ABCF1: variants seen among roughly 807,000 people sequenced by gnomAD.
ABCF1 encodes the protein ATP-binding cassette sub-family F member 1.
In ABCF1, 73 loss-of-function variants were observed where a neutral mutation model predicts 126.3. The ratio of observed to expected loss-of-function variants is 0.58; its 90% CI spans 0.48 to 0.70. The LOEUF (loss-of-function observed/expected upper bound fraction) is 0.70. ABCF1 is among the 30% of genes least tolerant of loss of function. ABCF1 has a pLI of 0.00. For synonymous variants in ABCF1, 345 were observed against 396.4 expected (o/e 0.87, Z 1.54); for missense variants, 786 against 1,057.5 (o/e 0.74, Z 3.56).
chr6:30,579,464 T>TTC (rs966317842), intron 6 of ABCF1, among the ~76,000 whole-genome samples: 5 of 149,206 alleles, frequency 3.4e-5, no homozygotes, highest in African/African-American at 9.9e-5. Context: ...TATTTTTTTT[T>TTC]TTTTTTTTTT....
At chr6:30,580,097 A>G (rs1801729518) in intron 7 of ABCF1, 92 bp downstream of exon 7, 1 of 1,330,782 alleles carries the variant, frequency 7.5e-7, no homozygotes, top group Middle Eastern at 2.1e-4. Flanking sequence ...CTGTAATCCC[A>G]GCACTTTGGG....
chr6:30,585,794 C>A, intron 16 of ABCF1, 85 bp from the exon 17 acceptor site: 1 of 1,552,466 alleles, frequency 6.4e-7, no homozygotes. Flanking sequence ...GACAGTGATG[C>A]CTACCCCATC....
At position 30,582,585 on chromosome 6, in the gene ABCF1, G is replaced by A. The variant is rs115021242; in HGVS notation, c.792+78G>A. 1.5e-3 allele frequency: 2,149 copies of A among 1,479,356 alleles called. 36 individuals are homozygous for A. The African/African-American group carries it at 0.026, about 18-fold the overall frequency. The allele number at this position is 1,479,356 out of a possible 1,614,324, so 91.6% of individuals were successfully genotyped here. A position where few individuals can be genotyped will look rare whatever the true frequency, so the allele number is the denominator to read the frequency against. ...CTAGGGGACATGCGATTGGGGACAC[G>A]AAGGAAAGGTTTGGGGGCTACTCCA... On this transcript the variant is annotated intron_variant, in intron 9 of 24. Transcript: ENST00000326195.
Position 30,589,808 on chromosome 6 carries a change from A to T in ABCF1, c.2067A>T (p.Lys689Asn). 6.2e-7 allele frequency: 1 copy of T among 1,614,122 alleles called. No homozygotes were observed. Among genetic ancestry groups the T allele is most frequent in the Non-Finnish European group, 8.5e-7 (1 of 1,180,010 alleles). ...CACCTCCCTCTCTTCTCGGGCAGAA[A>T]ATTGGCTTCTTCAACCAGCAGTATG... Reference protein sequence around the residue: ...HGEMRKNHRLKIGFFNQQYAE... With the variant: ...HGEMRKNHRLNIGFFNQQYAE... The change falls in exon 22 of 25, where the codon AAA (lysine) becomes AAT (asparagine). Residue 689 changes from lysine (K) to asparagine (N), a missense_variant and splice_region_variant. Transcript: ENST00000326195.
chr6:30,585,160 A>C (rs3130244), intron 14 of ABCF1, 100 bp from the exon 15 acceptor site: 674,409 of 1,023,706 alleles, frequency 0.66, 224,380 homozygotes, highest in South Asian at 0.8. Flanking sequence ...CTTGGGAAGG[A>C]GTGTTCATGG....
At chr6:30,576,713 G>A (rs191149189) in intron 1 of ABCF1, among the ~76,000 whole-genome samples, 69 of 152,032 alleles carry the variant, frequency 4.5e-4, no homozygotes, top group Admixed American at 1.3e-3. Context: ...TATTCCCTCC[G>A]ATTCTTGCTG....
At position 30,584,415 on chromosome 6, in the gene ABCF1, C is replaced by G; in HGVS notation, c.1243-3C>G. On this transcript the variant is annotated splice_region_variant and splice_polypyrimidine_tract_variant and intron_variant, in intron 13 of 24. Coordinates refer to ENST00000326195, the MANE Select transcript of ABCF1 (RefSeq NM_001025091.2). The surrounding 1 kb of genome is among the most constrained non-coding windows in gnomAD (Gnocchi z 4.6). ...ACGTGTGTCCTCTTCTCCCTCCTCC[C>G]AGGTGTATGAGGAATTGCGGGCCAC... 1.2e-6 allele frequency: 2 copies of G among 1,613,098 alleles called. No homozygotes were observed. Among genetic ancestry groups the G allele is most frequent in the Non-Finnish European group, 1.7e-6 (2 of 1,180,030 alleles).
chr6:30,589,738 T>C lies in ABCF1; in HGVS notation c.2064+18T>C. The C allele has an allele frequency of 6.2e-7, 1 of 1,614,030 alleles. No individual in the cohort carries two copies. Among genetic ancestry groups the C allele is most frequent in the Non-Finnish European group, 8.5e-7 (1 of 1,179,986 alleles). ...ACCGGCTGGTAAGTTGGCATTGGGA[T>C]TTAGGGAATGATAATCTGATGGAGG... On this transcript the variant is annotated intron_variant, in intron 21 of 24. Transcript: ENST00000326195.
At position 30,590,604 on chromosome 6, in the gene ABCF1, A is replaced by G; in HGVS notation, c.2441A>G (p.Glu814Gly). Residue 814 changes from glutamate to glycine, a missense_variant, in exon 25 of 25, where the codon GAG becomes GGG. Glu to Gly is a moderately conservative substitution (Grantham distance 98). Around this residue, in one of 4 missense-constraint regions of ABCF1, gnomAD observed 288 missense variants for 423.5 expected, o/e 0.68. Transcript: ENST00000326195. ...ETNCQLWVVE[E>G]QSVSQIDGDF... The stretch of plus-strand genomic sequence containing the variant: ...AATTGCCAGCTGTGGGTGGTGGAGG[A>G]GCAGAGTGTTAGCCAAATCGATGGT... The G allele has an allele frequency of 6.2e-7, 1 of 1,612,858 alleles. No homozygotes were observed. Among genetic ancestry groups the G allele is most frequent in the Non-Finnish European group, 8.5e-7 (1 of 1,179,982 alleles).
chr6:30,582,554 C>T, intron 9 of ABCF1, 47 bp downstream of exon 9: 1 of 1,593,460 alleles, frequency 6.3e-7, no homozygotes, highest in Non-Finnish European at 8.6e-7. Flanking sequence ...TTTTTAAATA[C>T]TTCAACTAGG....
chr6:30,585,516 CT>C (rs749265351), intron 15 of ABCF1, 41 bp from the exon 16 acceptor site: 1 of 1,612,396 alleles, frequency 6.2e-7, no homozygotes, highest in Non-Finnish European at 8.5e-7. Context: ...TTCTCTCTCA[CT>C]TGACCACTGT....
At position 30,578,600 on chromosome 6, in the gene ABCF1, T is replaced by G. The variant is rs748652231; in HGVS notation, c.489+23T>G. On this transcript the variant is annotated intron_variant, in intron 6 of 24. Transcript: ENST00000326195. ...AAGGTGACAGTGGTGGCTCGATCAG[T>G]CACTCTCACTCCATTTAGCACCTTC... is the stretch of plus-strand genomic sequence containing the variant. 1.9e-6 allele frequency: 3 copies of G among 1,596,698 alleles called. No individual in the cohort carries two copies. In the South Asian group the frequency reaches 3.3e-5, roughly 18 times the overall value.
intron 6 of ABCF1, 68 bp downstream of exon 6, chr6:30,578,645 T>C: frequency 7.3e-7 from 1 of 1,369,504 alleles, no homozygotes; most frequent in Non-Finnish European, 1.0e-6. Flanking sequence ...TGGAGTAATT[T>C]CCCGCTTTTA....
Position 30,584,980 on chromosome 6 carries a change from C to G in ABCF1, c.1392-280C>G, listed in dbSNP as rs11759186. On this transcript the variant is annotated intron_variant, in intron 14 of 24. Coordinates refer to ENST00000326195, the MANE Select transcript of ABCF1 (RefSeq NM_001025091.2). The surrounding 1 kb of genome is among the most constrained non-coding windows in gnomAD (Gnocchi z 4.6). ...GATCAGCTGGATATGGTGGCGCACG[C>G]TGTGGTCACAGCTACTCTGGAGGCT... Among the ~76,000 whole-genome samples the G allele has an allele frequency of 0.011, 1,643 of 152,274 alleles. 27 individuals carry two copies. Among genetic ancestry groups the G allele is most frequent in the African/African-American group, 0.037 (1,541 of 41,556 alleles).
chr6:30,589,171 G>A (rs1802306962), intron 20 of ABCF1, among the ~76,000 whole-genome samples: 1 of 151,998 alleles, frequency 6.6e-6, no homozygotes, highest in Admixed American at 6.6e-5. Context: ...GCTAATTATT[G>A]TATTTTTAGT....
rs1296082604 is a variant in ABCF1, at chr6:30,583,265, GGT to G, written c.915+83_915+84del. On this transcript the variant is annotated intron_variant, in intron 10 of 24. Coordinates refer to ENST00000326195, the MANE Select transcript of ABCF1 (RefSeq NM_001025091.2). This position sits in a 1 kb window ranked among gnomAD's most constrained non-coding sequence, Gnocchi z 4.1. ...TCTCTCATCTTCCCTGAGTGGCTGT[GGT>G]GTGTGAATGGGTTAGTTCAGTGGGA... is the stretch of plus-strand genomic sequence containing the variant. 7.1e-6 allele frequency: 11 copies of G among 1,539,396 alleles called. No individual in the cohort carries two copies. Among genetic ancestry groups the G allele is most frequent in the Non-Finnish European group, 9.7e-6 (11 of 1,135,252 alleles).
Position 30,571,524 on chromosome 6 carries a change from G to C in ABCF1, c.37G>C (p.Glu13Gln). The C allele has an allele frequency of 6.2e-7, 1 of 1,611,206 alleles. No individual in the cohort carries two copies. The highest frequency in any genetic ancestry group is 8.5e-7 in the Non-Finnish European group (1 of 1,179,660). The part of the protein sequence containing the change: ...KAPKQQPPEP[E>Q]WIGDGESTSP... ...GCCCAAGCAGCAGCCGCCGGAGCCC[G>C]AGTGGATCGGGGACGGAGAGAGCAC... The change falls in exon 1 of 25, where the codon GAG (glutamate) becomes CAG (glutamine). Residue 13 changes from glutamate to glutamine, a missense_variant. By Grantham distance (29) the Glu-to-Gln change is conservative. Around this residue, in one of 4 missense-constraint regions of ABCF1, gnomAD observed 322 missense variants for 322.9 expected, o/e 1.00. Transcript: ENST00000326195.
chr6:30,578,992 T>G (rs1451726758), intron 6 of ABCF1, among the ~76,000 whole-genome samples: 5 of 151,808 alleles, frequency 3.3e-5, no homozygotes, highest in Non-Finnish European at 7.4e-5. Context: ...AGAGCAAGAC[T>G]CAGTCTCAAA....
intron 1 of ABCF1, among the ~76,000 whole-genome samples, chr6:30,572,781 G>A (rs1224516162): frequency 6.6e-6 from 1 of 152,192 alleles, no homozygotes; most frequent in African/African-American, 2.4e-5. Flanking sequence ...GATTACAGGC[G>A]TGAGCCACTA....
Sources: allele counts gnomAD v4.1 joint callset (sites outside exome capture counted in the v4.1 genomes callset), GRCh38; gene constraint gnomAD v4.1.1; regional missense constraint gnomAD v4.1.1; non-coding constraint Gnocchi (gnomAD v3.1); transcripts MANE v1.5; gene names NCBI Gene and HGNC (gene_info 2026-07-23, HGNC 2026-07-21).